The following KLF7 variants were observed in gnomAD, a reference collection of about 807,000 sequenced individuals.
The protein encoded by KLF7 is Krueppel-like factor 7.
A neutral mutation model predicts 27.3 loss-of-function variants in KLF7; 2 were observed. That is an observed-to-expected ratio of 0.07 (90% CI 0.03 to 0.23). The LOEUF (loss-of-function observed/expected upper bound fraction) is 0.23. Among genes scored for constraint, KLF7 ranks in the 10% least tolerant of loss-of-function variants. The pLI is 1.00. For missense variants in KLF7, 221 were observed against 394.1 expected, an observed-to-expected ratio of 0.56 and a Z score of 3.72; for synonymous variants, 165 against 162.4, an observed-to-expected ratio of 1.02 and a Z score of -0.12.
In KLF7 at chr2:207,165,416, T is replaced by C. The variant is rs767256202; in HGVS notation, c.102+51A>G. On this transcript the variant is annotated intron_variant, in intron 1 of 3. Transcript: ENST00000309446. ...CCAGAGCCCACACCAACGCAGCCCC[T>C]GCGTCTCCGCCGCCACCACACGATT... 10 of 1,612,938 alleles carry C rather than the reference T, an allele frequency of 6.2e-6. No homozygotes were observed. The Middle Eastern group carries it at 6.6e-4, about 107-fold the overall frequency.
At chr2:207,142,234 G>A (rs1032974058) in intron 1 of KLF7, among the ~76,000 whole-genome samples, 1 of 152,168 alleles carries the variant, frequency 6.6e-6, no homozygotes, top group Non-Finnish European at 1.5e-5. Flanking sequence ...CTTCACTGAG[G>A]TGACTGGGAG....
intron 1 of KLF7, among the ~76,000 whole-genome samples, chr2:207,147,306 TA>T (rs1364937639): frequency 6.6e-6 from 1 of 152,064 alleles, no homozygotes; most frequent in African/African-American, 2.4e-5. Context: ...AAATTGCTCT[TA>T]AAAAAATTAA....
intron 1 of KLF7, among the ~76,000 whole-genome samples, chr2:207,126,896 A>C (rs1426450481): frequency 6.6e-6 from 1 of 151,818 alleles, no homozygotes; most frequent in African/African-American, 2.4e-5. Flanking sequence ...ACTTTCACAT[A>C]CTCAATCATC....
At chr2:207,168,688 A>G (rs1455534101), upstream of KLF7, among the ~76,000 whole-genome samples, 1 of 152,240 alleles carries the variant, frequency 6.6e-6, no homozygotes. Context: ...AAATACTGCA[A>G]ACCTCATTAT....
At chr2:207,159,792 A>G (rs2078489195) in intron 1 of KLF7, among the ~76,000 whole-genome samples, 1 of 152,182 alleles carries the variant, frequency 6.6e-6, no homozygotes, top group Non-Finnish European at 1.5e-5. Flanking sequence ...ACATTTATAT[A>G]TCAAGCATGT....
chr2:207,094,995 C>T (rs185304193), intron 2 of KLF7, among the ~76,000 whole-genome samples: 9 of 147,982 alleles, frequency 6.1e-5, no homozygotes, highest in African/African-American at 1.5e-4. Flanking sequence ...AGTCACTTTA[C>T]AGAGCATGCA....
upstream of KLF7, chr2:207,166,080 T>C: frequency 1.4e-5 from 12 of 888,788 alleles, no homozygotes; most frequent in Non-Finnish European, 1.4e-5. Flanking sequence ...GTCTTCCCCC[T>C]CCCTTTTCTC....
intron 1 of KLF7, among the ~76,000 whole-genome samples, chr2:207,164,877 G>A (rs935570593): frequency 1.3e-5 from 2 of 152,164 alleles, no homozygotes; most frequent in African/African-American, 4.8e-5. Context: ...CGTCCTCCTT[G>A]AGTATCTTTT....
At chr2:207,148,524 A>T (rs2078158396) in intron 1 of KLF7, among the ~76,000 whole-genome samples, 1 of 152,172 alleles carries the variant, frequency 6.6e-6, no homozygotes, top group Non-Finnish European at 1.5e-5. Flanking sequence ...ATGAGCAAAA[A>T]TCCTGGTAGC....
intron 1 of KLF7, among the ~76,000 whole-genome samples, chr2:207,141,729 CT>C (rs1173566514): frequency 6.6e-6 from 1 of 152,154 alleles, no homozygotes. Context: ...AGCTGCCAGT[CT>C]GAGCCTTCTG....
At chr2:207,150,690 G>A (rs1168649409) in intron 1 of KLF7, among the ~76,000 whole-genome samples, 1 of 152,238 alleles carries the variant, frequency 6.6e-6, no homozygotes, top group Admixed American at 6.5e-5. Context: ...CAGGTTTTCT[G>A]ATGCCAAATC....
At chr2:207,085,418 C>A (rs1420459028) in intron 3 of KLF7, among the ~76,000 whole-genome samples, 2 of 152,106 alleles carry the variant, frequency 1.3e-5, no homozygotes, top group Non-Finnish European at 2.9e-5. Flanking sequence ...CATGTTACCA[C>A]TGATGGAAAC....
chr2:207,142,360 T>A (rs1420656078), intron 1 of KLF7, among the ~76,000 whole-genome samples: 1 of 152,218 alleles, frequency 6.6e-6, no homozygotes, highest in African/African-American at 2.4e-5. Flanking sequence ...GTCTGTTATC[T>A]TGTACTTCTT....
At chr2:207,140,373 T>C (rs2077906796) in intron 1 of KLF7, among the ~76,000 whole-genome samples, 1 of 152,206 alleles carries the variant, frequency 6.6e-6, no homozygotes, top group Admixed American at 6.5e-5. Context: ...AAAATACAAA[T>C]TGGACTAAAT....
chr2:207,128,708 A>G (rs1428330350), intron 1 of KLF7, among the ~76,000 whole-genome samples: 1 of 152,240 alleles, frequency 6.6e-6, no homozygotes, highest in Non-Finnish European at 1.5e-5. Flanking sequence ...TTATTCTATG[A>G]TATTTCTGTC....
At chr2:207,107,815 C>G (rs559809858) in intron 2 of KLF7, among the ~76,000 whole-genome samples, 3 of 152,210 alleles carry the variant, frequency 2.0e-5, no homozygotes, top group African/African-American at 7.2e-5. Flanking sequence ...CCTCTCAAAC[C>G]GTGTCAAAAC....
intron 2 of KLF7, among the ~76,000 whole-genome samples, chr2:207,111,726 A>G (rs2105940087): frequency 6.6e-6 from 1 of 152,320 alleles, no homozygotes; most frequent in Non-Finnish European, 1.5e-5. Context: ...ACATGGAGAC[A>G]TCAAAAGAAA....
chr2:207,146,991 G>A (rs1353996094), intron 1 of KLF7, among the ~76,000 whole-genome samples: 1 of 152,180 alleles, frequency 6.6e-6, no homozygotes, highest in African/African-American at 2.4e-5. Context: ...AGGGAAGTAT[G>A]GGGAAGCTAA....
At chr2:207,116,161 T>C (rs1004377617) in intron 2 of KLF7, among the ~76,000 whole-genome samples, 2 of 152,228 alleles carry the variant, frequency 1.3e-5, no homozygotes, top group Non-Finnish European at 2.9e-5. Flanking sequence ...GAGCTTAGTG[T>C]CATCTGACAC....
Sources: gnomAD v4.1 joint callset for allele counts (sites outside exome capture counted in the v4.1 genomes callset) on GRCh38, gnomAD v4.1.1 for gene constraint, MANE v1.5 for transcripts, NCBI Gene and HGNC (gene_info 2026-07-23, HGNC 2026-07-21) for gene names.